Variants in HAVCR1 observed in about 807,000 individuals in gnomAD.
The protein encoded by HAVCR1 is T cell immunoglobin domain and mucin domain protein 1.
Under a neutral mutation model 32.0 loss-of-function variants are expected in HAVCR1, and 34 were observed. That is an observed-to-expected ratio of 1.06 (90% CI 0.81 to 1.42). HAVCR1 has a LOEUF of 1.42. Among genes scored for constraint, HAVCR1 ranks in the 40% most tolerant of loss-of-function variants. HAVCR1 has a pLI of 0.00. For synonymous variants in HAVCR1, 178 were observed against 170.3 expected (o/e 1.05, Z -0.35); for missense variants, 420 against 442.3 (o/e 0.95, Z 0.45).
At chr5:157,043,265 A>G (rs1328286721) in intron 5 of HAVCR1, among the ~76,000 whole-genome samples, 1 of 152,244 alleles carries the variant, frequency 6.6e-6, no homozygotes, top group Non-Finnish European at 1.5e-5. Context: ...CAAGCATATT[A>G]TGCCATATAA....
At chr5:157,046,857 C>T (rs769433433) in intron 5 of HAVCR1, among the ~76,000 whole-genome samples, 1 of 152,166 alleles carries the variant, frequency 6.6e-6, no homozygotes, top group Non-Finnish European at 1.5e-5. Context: ...TGATTCCATT[C>T]ATGAAGGCGG....
intron 8 of HAVCR1, 110 bp downstream of exon 8, chr5:157,032,744 G>C (rs1754249363): frequency 2.7e-6 from 2 of 730,230 alleles, no homozygotes; most frequent in East Asian, 5.1e-5. Context: ...AAAGTGGACT[G>C]TCAGGATCCA....
At chr5:157,061,390 C>A (rs951603223), upstream of HAVCR1, among the ~76,000 whole-genome samples, 135 of 152,042 alleles carry the variant, frequency 8.9e-4, no homozygotes, top group African/African-American at 3.1e-3. Context: ...GTGTGGCACC[C>A]AACTCCAGAC....
chr5:157,057,875 G>A (rs767667350), intron 2 of HAVCR1, 23 bp downstream of exon 2: 38 of 1,571,770 alleles, frequency 2.4e-5, no homozygotes, highest in East Asian at 1.6e-4. Context: ...CCTTCTTCCC[G>A]CCCAGGGCAC....
chr5:157,054,394 C>G (rs912051059), intron 3 of HAVCR1, among the ~76,000 whole-genome samples: 3 of 151,872 alleles, frequency 2.0e-5, no homozygotes, highest in Non-Finnish European at 2.9e-5. Flanking sequence ...GTTCCAGCTA[C>G]TTGGGAGGCT....
chr5:157,037,945 T>C lies in HAVCR1; in HGVS notation c.838-584A>G, dbSNP rs760039273. ...AAAAAATTGCTTGAACCCGGGAGGT[T>C]GCAGTGAGCCAAGATTTCGCCATTG... On this transcript the variant is annotated intron_variant, in intron 6 of 8. Transcript: ENST00000523175. 7.1e-4 allele frequency among the ~76,000 whole-genome samples: 108 copies of C among 151,886 alleles called. 1 individual carries two copies. The highest frequency in any genetic ancestry group is 1.1e-3 in the Non-Finnish European group (72 of 67,996).
chr5:157,041,576 TA>T (rs1754898057), intron 6 of HAVCR1, among the ~76,000 whole-genome samples: 1 of 152,208 alleles, frequency 6.6e-6, no homozygotes, highest in Admixed American at 6.5e-5. Flanking sequence ...ATAGACATTT[TA>T]AAATTTCTAC....
At chr5:157,043,951 G>C (rs935688191) in intron 5 of HAVCR1, among the ~76,000 whole-genome samples, 11 of 152,112 alleles carry the variant, frequency 7.2e-5, no homozygotes, top group African/African-American at 2.4e-4. Flanking sequence ...AATGCTATAG[G>C]GCTCAACATG....
At position 157,055,449 on chromosome 5, in the gene HAVCR1, G is replaced by T. The variant is rs1756070204; in HGVS notation, c.131C>A (p.Ser44Tyr). ...LPCHYSGAVT[S>Y]MCWNRGSCSL... ...ACATGAGCCTCTATTCCAGCACATG[G>T]ATGTGACAGCTCCACTGTAGTGGCA... The change falls in exon 3 of 9, where the codon TCC becomes TAC. Residue 44 changes from serine (S) to tyrosine (Y), a missense_variant. Ser to Tyr is a moderately radical substitution (Grantham distance 144). Transcript: ENST00000523175. 1 of 1,610,878 alleles carries T rather than the reference G, an allele frequency of 6.2e-7. No homozygotes were observed. Among genetic ancestry groups the T allele is most frequent in the African/African-American group, 1.3e-5 (1 of 75,016 alleles).
chr5:157,029,647 T>TG lies in HAVCR1; in HGVS notation c.*85dup, dbSNP rs2113456883. ...TGAAACTGAAACAGAAAAATTGTCT[T>TG]GGGGTCTAAAAGACGTCTGATGTGC... On this transcript the variant is annotated 3_prime_UTR_variant, in exon 9 of 9. Transcript: ENST00000523175. 6.3e-7 allele frequency: 1 copy of TG among 1,587,090 alleles called. No homozygotes were observed. Among genetic ancestry groups the TG allele is most frequent in the East Asian group, 2.3e-5 (1 of 44,250 alleles).
intron 7 of HAVCR1, among the ~76,000 whole-genome samples, chr5:157,035,946 G>A (rs1754501501): frequency 1.3e-5 from 2 of 152,172 alleles, no homozygotes; most frequent in Admixed American, 6.5e-5. Context: ...AGTAGGCTAT[G>A]TGCAAATACT....
At chr5:157,051,401 G>C (rs1755727383) in intron 4 of HAVCR1, among the ~76,000 whole-genome samples, 1 of 152,092 alleles carries the variant, frequency 6.6e-6, no homozygotes, top group Non-Finnish European at 1.5e-5. Flanking sequence ...TGTTAGATCA[G>C]GGCAAACTCA....
At chr5:157,031,036 T>C (rs1374564724) in intron 8 of HAVCR1, among the ~76,000 whole-genome samples, 1 of 150,788 alleles carries the variant, frequency 6.6e-6, no homozygotes, top group Non-Finnish European at 1.5e-5. Context: ...TTTTTTATAC[T>C]TTACACATTT....
chr5:157,042,476 T>A (rs1754966652), intron 6 of HAVCR1, 151 bp downstream of exon 6: 1 of 531,954 alleles, frequency 1.9e-6, no homozygotes, highest in African/African-American at 2.0e-5. Context: ...AGCATCCTAT[T>A]TAAGAGTGAA....
intron 5 of HAVCR1, among the ~76,000 whole-genome samples, chr5:157,045,973 G>A (rs776039133): frequency 2.0e-5 from 3 of 152,176 alleles, no homozygotes; most frequent in Non-Finnish European, 2.9e-5. Context: ...AAAGAGTGGG[G>A]TGCAGCTGCT....
intron 6 of HAVCR1, among the ~76,000 whole-genome samples, chr5:157,042,325 C>T (rs1581694433): frequency 6.6e-6 from 1 of 151,718 alleles, no homozygotes; most frequent in Non-Finnish European, 1.5e-5. Context: ...GCCTGTAGTC[C>T]CAGCTATTCG....
intron 4 of HAVCR1, among the ~76,000 whole-genome samples, chr5:157,050,321 T>C (rs1020004045): frequency 1.9e-4 from 29 of 152,186 alleles, no homozygotes; most frequent in African/African-American, 7.0e-4. Context: ...ACTTCTTTCC[T>C]AAGTTTGGGT....
In HAVCR1 at chr5:157,052,557, C is replaced by T. The variant is rs10068551; in HGVS notation, c.477G>A (p.Thr159=). 4.0e-3 allele frequency: 2,919 copies of T among 723,580 alleles called. 43 individuals carry two copies. Among genetic ancestry groups the T allele is most frequent in the African/African-American group, 0.039 (2,446 of 62,238 alleles). 44.8% of individuals were successfully genotyped at this position (723,580 alleles called of 1,614,324 possible). ...TTGGAACAGTTGTCGTTGGAACAGT[C>T]GTCATTGGAACAGTCGTTGTCGTTG... ...TVPTTTTVPM[T]TVPTTTVPTT... The change falls in exon 4 of 9, where the codon ACG becomes ACA. Residue 159 remains threonine (T), a synonymous_variant. Coordinates refer to ENST00000523175, the MANE Select transcript of HAVCR1 (RefSeq NM_001173393.3).
At chr5:157,063,750 T>C (rs905636406), upstream of HAVCR1, among the ~76,000 whole-genome samples, 1 of 152,218 alleles carries the variant, frequency 6.6e-6, no homozygotes, top group African/African-American at 2.4e-5. Flanking sequence ...GAGGAGGCAC[T>C]GAGTTGCAAT....
Sources: allele counts gnomAD v4.1 joint callset (sites outside exome capture counted in the v4.1 genomes callset), GRCh38; gene constraint gnomAD v4.1.1; transcripts MANE v1.5; gene names NCBI Gene and HGNC (gene_info 2026-07-23, HGNC 2026-07-21).